CHL1: variants seen among roughly 807,000 people sequenced by gnomAD.
CHL1 encodes the protein neural cell adhesion molecule L1-like protein.
Under a neutral mutation model 141.9 loss-of-function variants are expected in CHL1, and 96 were observed. The observed-to-expected ratio is 0.68, with a 90% CI of 0.57 to 0.80. The LOEUF (loss-of-function observed/expected upper bound fraction) is 0.80, where lower values mean the gene tolerates loss of function less well. Ranked by LOEUF, CHL1 falls within the 30% of genes least tolerant of loss-of-function variation. The pLI, the probability that CHL1 is intolerant of heterozygous loss-of-function variation, is 0.00. For synonymous variants in CHL1, 613 were observed against 502.2 expected (o/e 1.22, Z -2.95); for missense variants, 1,820 against 1,457.2 (o/e 1.25, Z -4.05).
intron 2 of CHL1, among the ~76,000 whole-genome samples, chr3:272,126 G>A (rs1703136): frequency 0.012 from 1,794 of 152,146 alleles, 42 homozygotes; most frequent in African/African-American, 0.042. Flanking sequence ...GGGAATTCTT[G>A]TTTCAATTAA....
chr3:380,890 C>T (rs1352758858), intron 16 of CHL1, among the ~76,000 whole-genome samples: 1 of 152,112 alleles, frequency 6.6e-6, no homozygotes, highest in African/African-American at 2.4e-5. Flanking sequence ...ATGTGTGAGG[C>T]ACTGTGGGCA....
intron 10 of CHL1, among the ~76,000 whole-genome samples, chr3:352,410 T>C (rs997536197): frequency 9.2e-5 from 14 of 152,226 alleles, no homozygotes; most frequent in Admixed American, 5.9e-4. Flanking sequence ...TTGCTTAATA[T>C]ATAGTCCCAA....
Position 389,463 on chromosome 3 carries a change from C to T in CHL1, c.2459C>T (p.Ser820Phe). ...GPDPQSVTLYSGEDYPDTAPV... is the reference protein window; with the variant it reads ...GPDPQSVTLYFGEDYPDTAPV... ...GACCCTCAGTCAGTGACTCTCTATT[C>T]TGGAGAAGACTGTAAGTGATGCACC... The change falls in exon 20 of 28, where the codon TCT becomes TTT. Residue 820 changes from serine to phenylalanine, a missense_variant. By Grantham distance (155) the Ser-to-Phe change is radical. Transcript: ENST00000256509. 6.2e-7 allele frequency: 1 copy of T among 1,613,380 alleles called. No homozygotes were observed. Among genetic ancestry groups the T allele is most frequent in the East Asian group, 2.2e-5 (1 of 44,886 alleles).
At chr3:356,721 T>G (rs1035181976) in intron 11 of CHL1, among the ~76,000 whole-genome samples, 4 of 151,688 alleles carry the variant, frequency 2.6e-5, no homozygotes, top group African/African-American at 9.7e-5. Flanking sequence ...TGGAGAGGTG[T>G]GTTGAGGAGG....
chr3:230,937 A>G (rs889706097), intron 1 of CHL1, among the ~76,000 whole-genome samples: 11 of 152,174 alleles, frequency 7.2e-5, no homozygotes, highest in Non-Finnish European at 1.5e-5. Context: ...TCATGAAGGC[A>G]CGTGCATATT....
At chr3:340,320 G>T (rs1409731241) in intron 5 of CHL1, among the ~76,000 whole-genome samples, 1 of 152,094 alleles carries the variant, frequency 6.6e-6, no homozygotes. Context: ...CATATGGGCT[G>T]GGAAGTTTTT....
chr3:382,866 C>T lies in CHL1; in HGVS notation c.2176+195C>T. ...GTGTTACATACGAGTTCGATAAAAG[C>T]AGGAAATTAGGGGAGTGACATATGA... On this transcript the variant is annotated intron_variant, in intron 18 of 27. Coordinates refer to ENST00000256509, the MANE Select transcript of CHL1 (RefSeq NM_006614.4). The T allele has an allele frequency of 8.9e-6, 5 of 563,994 alleles. No homozygotes were observed. In the East Asian group the frequency reaches 1.4e-4, roughly 16 times the overall value. 34.9% of individuals were successfully genotyped at this position (563,994 alleles called of 1,614,324 possible).
Position 317,948 on chromosome 3 carries a change from T to G in CHL1, c.-94-1735T>G, listed in dbSNP as rs1284577524. On this transcript the variant is annotated intron_variant, in intron 2 of 27. Coordinates refer to ENST00000256509, the MANE Select transcript of CHL1 (RefSeq NM_006614.4). ...ACCAGTAGAAGTTAAATTACAAGTA[T>G]AAGTTATTTGTCATTAGAAAATATT... is the stretch of plus-strand genomic sequence containing the variant. 4.6e-5 allele frequency among the ~76,000 whole-genome samples: 7 copies of G among 151,912 alleles called. 1 individual carries two copies. The highest frequency in any genetic ancestry group is 2.0e-4 in the Admixed American group (3 of 15,208).
chr3:343,590 C>T (rs1702522677), intron 8 of CHL1, among the ~76,000 whole-genome samples: 1 of 152,152 alleles, frequency 6.6e-6, no homozygotes, highest in Non-Finnish European at 1.5e-5. Flanking sequence ...TGGAAAATGC[C>T]TGAGTAAATC....
At chr3:255,167 A>G (rs937285420) in intron 2 of CHL1, among the ~76,000 whole-genome samples, 2 of 152,162 alleles carry the variant, frequency 1.3e-5, no homozygotes, top group African/African-American at 2.4e-5. Context: ...GTTTCCTACC[A>G]TAATTACAGT....
intron 1 of CHL1, among the ~76,000 whole-genome samples, chr3:201,742 G>T (rs1237999746): frequency 6.6e-6 from 1 of 152,078 alleles, no homozygotes; most frequent in Non-Finnish European, 1.5e-5. Flanking sequence ...GCTTTGACCA[G>T]GGTTTCTTCT....
chr3:309,656 C>A (rs916029650), intron 2 of CHL1, among the ~76,000 whole-genome samples: 6 of 151,826 alleles, frequency 4.0e-5, no homozygotes, highest in Admixed American at 6.6e-5. Context: ...AGTATAGGCA[C>A]GTACCCTATG....
intron 15 of CHL1, among the ~76,000 whole-genome samples, chr3:370,436 G>A (rs1273532600): frequency 6.6e-6 from 1 of 151,826 alleles, no homozygotes; most frequent in Non-Finnish European, 1.5e-5. Context: ...TGGGGTCAGT[G>A]GTGATGTCCC....
At chr3:243,269 A>T (rs893978983) in intron 1 of CHL1, among the ~76,000 whole-genome samples, 17 of 152,198 alleles carry the variant, frequency 1.1e-4, no homozygotes, top group Admixed American at 2.6e-4. Flanking sequence ...TGGACACAGC[A>T]ACATGGGAGC....
chr3:378,661 G>A (rs1465113184), intron 16 of CHL1, among the ~76,000 whole-genome samples: 1 of 152,048 alleles, frequency 6.6e-6, no homozygotes, highest in Non-Finnish European at 1.5e-5. Flanking sequence ...CTATTATTTG[G>A]TTCAGCAAGT....
intron 1 of CHL1, among the ~76,000 whole-genome samples, chr3:225,950 A>C (rs1286450461): frequency 6.6e-6 from 1 of 151,454 alleles, no homozygotes; most frequent in African/African-American, 2.4e-5. Context: ...CGGAGCTTGC[A>C]GTGAGCCGAG....
chr3:215,859 G>C (rs1476440511), intron 1 of CHL1, among the ~76,000 whole-genome samples: 3 of 152,102 alleles, frequency 2.0e-5, no homozygotes, highest in Non-Finnish European at 4.4e-5. Context: ...TGATTCAATA[G>C]TGAAATTTAT....
At chr3:312,766 C>T (rs188859688) in intron 2 of CHL1, among the ~76,000 whole-genome samples, 2 of 152,282 alleles carry the variant, frequency 1.3e-5, no homozygotes, top group East Asian at 3.9e-4. Context: ...CTCAGTGATT[C>T]TTAAGCCATT....
chr3:376,424 C>T (rs369920114), intron 15 of CHL1: 3 of 516,184 alleles, frequency 5.8e-6, no homozygotes, highest in Non-Finnish European at 1.2e-5. Context: ...TTAATAAGTT[C>T]TTTAGGTATA....
Sources: allele counts gnomAD v4.1 joint callset (sites outside exome capture counted in the v4.1 genomes callset), GRCh38; gene constraint gnomAD v4.1.1; transcripts MANE v1.5; gene names NCBI Gene and HGNC (gene_info 2026-07-23, HGNC 2026-07-21).